MICAL3: variants seen among roughly 807,000 people sequenced by gnomAD.
The protein encoded by MICAL3 is [F-actin]-monooxygenase MICAL3.
A neutral mutation model predicts 207.4 loss-of-function variants in MICAL3; 62 were observed. That is an observed-to-expected ratio of 0.30 (90% CI 0.24 to 0.37). MICAL3 has a LOEUF of 0.37. MICAL3 is among the 10% of genes least tolerant of loss of function. The pLI, the probability that MICAL3 is intolerant of heterozygous loss-of-function variation, is 1.00. For synonymous variants in MICAL3, 1,077 were observed against 1,069.3 expected, an observed-to-expected ratio of 1.01 and a Z score of -0.14; for missense variants, 2,368 against 2,635.6, an observed-to-expected ratio of 0.90 and a Z score of 2.22.
chr22:17,942,286 T>C (rs1322565269), intron 1 of MICAL3, among the ~76,000 whole-genome samples: 1 of 152,076 alleles, frequency 6.6e-6, no homozygotes, highest in Non-Finnish European at 1.5e-5. Context: ...CTGTAGAGTT[T>C]CCTCTCACCC....
At chr22:18,000,408 G>C (rs1922811782) in intron 1 of MICAL3, among the ~76,000 whole-genome samples, 1 of 152,242 alleles carries the variant, frequency 6.6e-6, no homozygotes, top group Non-Finnish European at 1.5e-5. Flanking sequence ...TTCAGAGTCA[G>C]GAAGACCAGC....
intron 1 of MICAL3, among the ~76,000 whole-genome samples, chr22:17,993,374 GC>G (rs774194355): frequency 1.4e-4 from 21 of 152,142 alleles, no homozygotes; most frequent in Non-Finnish European, 2.2e-4. Context: ...TAGGTTTGAA[GC>G]CCCGCATGCA....
At position 17,896,326 on chromosome 22, in the gene MICAL3, G is replaced by A; in HGVS notation, c.1242C>T (p.Gly414=). 1 of 1,559,260 alleles carries A rather than the reference G, an allele frequency of 6.4e-7. No individual in the cohort carries two copies. ...AGGCAGAGTCCATAGCAGCTAGAAAGCCCCGGGCTATTCCTGTTCCCATTG... is the reference window on the plus strand; with the variant it reads ...AGGCAGAGTCCATAGCAGCTAGAAAACCCCGGGCTATTCCTGTTCCCATTG... ...FWPMGTGIAR[G]FLAAMDSAWM... The change falls in exon 9 of 32, where the codon GGC becomes GGT. Residue 414 remains glycine, a synonymous_variant. Coordinates refer to ENST00000441493, the MANE Select transcript of MICAL3 (RefSeq NM_015241.3).
chr22:17,870,104 A>G (rs1304445535), intron 17 of MICAL3, among the ~76,000 whole-genome samples: 2 of 152,162 alleles, frequency 1.3e-5, no homozygotes, highest in African/African-American at 4.8e-5. Context: ...TGAAAATTTT[A>G]TCTGGGTTAA....
chr22:17,965,490 G>C (rs1935106633), intron 1 of MICAL3, among the ~76,000 whole-genome samples: 1 of 152,200 alleles, frequency 6.6e-6, no homozygotes, highest in Admixed American at 6.5e-5. Flanking sequence ...CTGAAATAAT[G>C]GTGCTGATGA....
At position 17,887,398 on chromosome 22, in the gene MICAL3, C is replaced by T. The variant is rs763219458; in HGVS notation, c.1929G>A (p.Leu643=). 4 of 1,613,976 alleles carry T rather than the reference C, an allele frequency of 2.5e-6. No individual in the cohort carries two copies. The highest frequency in any genetic ancestry group is 3.4e-6 in the Non-Finnish European group (4 of 1,179,862). ...LDLNAEEKAV[L]IASTRSPISF... ...AGATAGGGGATCTGGTGCTGGCTAT[C>T]AGGACTGCTTTCTCCTCGGCATTTA... The change falls in exon 14 of 32, where the codon CTG becomes CTA. Residue 643 remains leucine, a synonymous_variant. Coordinates refer to ENST00000441493, the MANE Select transcript of MICAL3 (RefSeq NM_015241.3).
At chr22:18,020,954 AAATAAATAAATAAAAT>A (rs1318686424) in intron 1 of MICAL3, among the ~76,000 whole-genome samples, 5 of 136,058 alleles carry the variant, frequency 3.7e-5, no homozygotes, top group Middle Eastern at 3.7e-3. Context: ...ATAAATAAAT[AAATAAATAAATAAAAT>A]GGCCCACCAA....
chr22:17,885,080 A>C (rs1188324083), intron 16 of MICAL3, among the ~76,000 whole-genome samples: 1 of 152,236 alleles, frequency 6.6e-6, no homozygotes, highest in Non-Finnish European at 1.5e-5. Flanking sequence ...GTAAGAAGTC[A>C]GAGTGACTTT....
intron 20 of MICAL3, among the ~76,000 whole-genome samples, chr22:17,833,571 G>A (rs1923043701): frequency 1.3e-5 from 2 of 152,226 alleles, no homozygotes; most frequent in African/African-American, 4.8e-5. Flanking sequence ...CTTGTCCAAA[G>A]AGAGGACTCC....
intron 1 of MICAL3, chr22:18,019,831 T>TTTTTTTTA (rs1214102681): frequency 8.5e-6 from 1 of 117,718 alleles, no homozygotes; most frequent in African/African-American, 3.1e-5. Flanking sequence ...TTTTTTTTTT[T>TTTTTTTTA]GAGATGGAGT....
intron 1 of MICAL3, among the ~76,000 whole-genome samples, chr22:17,944,929 A>G (rs1351532411): frequency 1.3e-5 from 2 of 151,792 alleles, no homozygotes; most frequent in Non-Finnish European, 2.9e-5. Flanking sequence ...CACCTCTGAG[A>G]TCATCAAACT....
intron 1 of MICAL3, among the ~76,000 whole-genome samples, chr22:17,996,117 G>A (rs1050762202): frequency 7.5e-6 from 1 of 133,670 alleles, no homozygotes; most frequent in African/African-American, 2.8e-5. Context: ...GTGGCAGAGT[G>A]AGATGCTGTC....
At chr22:17,802,343 G>A (rs865848341) in intron 29 of MICAL3, among the ~76,000 whole-genome samples, 1 of 152,216 alleles carries the variant, frequency 6.6e-6, no homozygotes, top group South Asian at 2.1e-4. Flanking sequence ...GGGATAACAG[G>A]TGTGAATTTT....
chr22:17,811,375 C>G (rs1183481806), intron 27 of MICAL3: 1 of 153,116 alleles, frequency 6.5e-6, no homozygotes, highest in Non-Finnish European at 1.5e-5. Context: ...CAAGAAATGA[C>G]ACCCAAGTAG....
chr22:17,891,727 T>G, intron 11 of MICAL3, 95 bp from the exon 12 acceptor site: 1 of 1,234,362 alleles, frequency 8.1e-7, no homozygotes, highest in Non-Finnish European at 1.2e-6. Context: ...CTTTGAAAAA[T>G]TACTGAGGGT....
intron 29 of MICAL3, chr22:17,803,914 T>C: frequency 1.2e-6 from 1 of 827,388 alleles, no homozygotes; most frequent in Non-Finnish European, 1.5e-6. Flanking sequence ...AGTCCTCCTG[T>C]CCCCCCATAC....
intron 29 of MICAL3, among the ~76,000 whole-genome samples, chr22:17,795,574 T>C (rs185106298): frequency 1.3e-5 from 2 of 152,170 alleles, no homozygotes; most frequent in Non-Finnish European, 2.9e-5. Flanking sequence ...CAGAGAACAA[T>C]ATAACAGAAT....
chr22:17,960,243 GCTAGGCAGTGAGCTCA>G (rs112458858), intron 1 of MICAL3, among the ~76,000 whole-genome samples: 30,260 of 152,202 alleles, frequency 0.2, 3,174 homozygotes, highest in Middle Eastern at 0.27. Context: ...CGGGCTCCGT[GCTAGGCAGTGAGCTCA>G]CTGGGGGTCA....
intron 5 of MICAL3, 129 bp downstream of exon 5, chr22:17,901,749 T>C (rs539360841): frequency 3.6e-5 from 20 of 553,998 alleles, no homozygotes; most frequent in African/African-American, 3.6e-4. Flanking sequence ...TGCCATTCCA[T>C]CAGGGCAGGA....
Sources: gnomAD v4.1 joint callset for allele counts (sites outside exome capture counted in the v4.1 genomes callset) on GRCh38, gnomAD v4.1.1 for gene constraint, MANE v1.5 for transcripts, NCBI Gene and HGNC (gene_info 2026-07-23, HGNC 2026-07-21) for gene names.